The following CNKSR3 variants were observed in gnomAD, a reference collection of about 807,000 sequenced individuals.
CNKSR3 encodes CNKSR family member 3, also known as connector enhancer of kinase suppressor of ras 3.
CNKSR3 carries 36 observed loss-of-function variants against 67.7 expected under a neutral mutation model. The observed-to-expected ratio is 0.53, with a 90% CI of 0.41 to 0.70. The LOEUF is 0.70. CNKSR3 is among the 30% of genes least tolerant of loss of function. CNKSR3 has a pLI of 0.00. For synonymous variants in CNKSR3, 281 were observed against 271.4 expected (o/e 1.04, Z -0.35); for missense variants, 630 against 695.2 (o/e 0.91, Z 1.05).
chr6:154,501,137 A>G (rs991258740), intron 1 of CNKSR3, among the ~76,000 whole-genome samples: 1 of 152,150 alleles, frequency 6.6e-6, no homozygotes, highest in Non-Finnish European at 1.5e-5. Context: ...AGACATCCCA[A>G]CTTCAAATAT....
intron 10 of CNKSR3, among the ~76,000 whole-genome samples, chr6:154,413,427 C>T (rs181386076): frequency 1.3e-5 from 2 of 152,180 alleles, no homozygotes; most frequent in African/African-American, 4.8e-5. Flanking sequence ...GATGGGGCCT[C>T]ACTATATTCC....
chr6:154,427,597 A>G (rs1326588578), intron 7 of CNKSR3, among the ~76,000 whole-genome samples: 2 of 152,222 alleles, frequency 1.3e-5, no homozygotes, highest in Non-Finnish European at 2.9e-5. Flanking sequence ...AGTGTACAGA[A>G]GTCTCTCACA....
At chr6:154,456,707 C>CAAAAAAAAAAAAAAAAA (rs10536163) in intron 1 of CNKSR3, among the ~76,000 whole-genome samples, 1 of 45,372 alleles carries the variant, frequency 2.2e-5, no homozygotes, top group African/African-American at 8.5e-5. Context: ...AACTCTGTCT[C>CAAAAAAAAAAAAAAAAA]AAAAAAAAAA....
At chr6:154,490,993 G>A (rs186816905) in intron 1 of CNKSR3, among the ~76,000 whole-genome samples, 7 of 151,978 alleles carry the variant, frequency 4.6e-5, no homozygotes, top group African/African-American at 1.7e-4. Context: ...GATTACAAGC[G>A]CCCGCCACCA....
intron 1 of CNKSR3, among the ~76,000 whole-genome samples, chr6:154,475,587 G>A (rs534936494): frequency 6.6e-5 from 10 of 152,094 alleles, no homozygotes; most frequent in Non-Finnish European, 1.0e-4. Flanking sequence ...CATTTCCCAG[G>A]GCCTCTTGCT....
chr6:154,481,105 C>T (rs1310580114), intron 1 of CNKSR3, among the ~76,000 whole-genome samples: 1 of 148,332 alleles, frequency 6.7e-6, no homozygotes, highest in Non-Finnish European at 1.5e-5. Flanking sequence ...ATTTATTTTG[C>T]TTATGTATTT....
intron 1 of CNKSR3, among the ~76,000 whole-genome samples, chr6:154,488,950 TG>T (rs774245266): frequency 2.0e-5 from 3 of 152,206 alleles, no homozygotes; most frequent in Non-Finnish European, 4.4e-5. Context: ...ACCCCAGGAA[TG>T]ATGCGACAAC....
intron 1 of CNKSR3, among the ~76,000 whole-genome samples, chr6:154,471,761 G>A (rs959337635): frequency 6.6e-6 from 1 of 152,132 alleles, no homozygotes; most frequent in Non-Finnish European, 1.5e-5. Context: ...TCACGTTTGT[G>A]TCTCTTATAA....
intron 2 of CNKSR3, among the ~76,000 whole-genome samples, chr6:154,442,901 A>T (rs916404126): frequency 1.1e-4 from 17 of 151,198 alleles, no homozygotes; most frequent in African/African-American, 3.9e-4. Flanking sequence ...TTTTTATTTT[A>T]TTTTTTGAGA....
At chr6:154,454,104 CAGAGAG>C (rs71021054) in intron 1 of CNKSR3, among the ~76,000 whole-genome samples, 15,411 of 116,030 alleles carry the variant, frequency 0.13, 1,243 homozygotes, top group African/African-American at 0.16. Flanking sequence ...CACACACACA[CAGAGAG>C]AGAGAGAGAG....
At chr6:154,508,406 T>G (rs1787145231) in intron 1 of CNKSR3, among the ~76,000 whole-genome samples, 1 of 152,200 alleles carries the variant, frequency 6.6e-6, no homozygotes, top group Non-Finnish European at 1.5e-5. Context: ...TTTCAAGGGC[T>G]GCAGAGCCAC....
intron 4 of CNKSR3, 50 bp downstream of exon 4, chr6:154,441,242 C>CAAAAAAAAAAAA (rs34887626): frequency 1.2e-5 from 10 of 847,478 alleles, no homozygotes; most frequent in South Asian, 3.2e-5. Flanking sequence ...AGAGGAAAAG[C>CAAAAAAAAAAAA]AAAAAAAAAA....
At position 154,452,847 on chromosome 6, in the gene CNKSR3, G is replaced by A. The variant is rs183439376; in HGVS notation, c.53-2589C>T. Among the ~76,000 whole-genome samples the A allele has an allele frequency of 5.3e-5, 8 of 152,310 alleles. No individual in the cohort carries two copies. The East Asian group carries it at 1.5e-3, about 29-fold the overall frequency. ...GGAAAAGACGGTCATTGTAAACCAA[G>A]GAGAGAGGCCTCAGAAGAAACCTAC... On this transcript the variant is annotated intron_variant, in intron 1 of 12. Coordinates refer to ENST00000607772, the MANE Select transcript of CNKSR3 (RefSeq NM_173515.4).
At chr6:154,414,625 G>T (rs1158218174) in intron 9 of CNKSR3, 2 of 652,474 alleles carry the variant, frequency 3.1e-6, no homozygotes, top group Admixed American at 2.1e-5. Context: ...TTTGAATGAC[G>T]ATGTATAGTG....
chr6:154,389,791 C>T lies in CNKSR3; in HGVS notation c.*16563G>A, dbSNP rs1429939279. ...AAAAAGGAAATTAGCGAAACAATCC[C>T]ATATATAATAGCACCCAAAATAATA... is the stretch of plus-strand genomic sequence containing the variant. On this transcript the variant is annotated 3_prime_UTR_variant, in exon 13 of 13. Transcript: ENST00000607772. The T allele has an allele frequency of 6.6e-6, 1 of 152,146 alleles. No individual in the cohort carries two copies. Among genetic ancestry groups the T allele is most frequent in the East Asian group, 1.9e-4 (1 of 5,198 alleles). 9.4% of individuals were successfully genotyped at this position (152,146 alleles called of 1,614,324 possible).
At chr6:154,483,708 C>T (rs1477912527) in intron 1 of CNKSR3, among the ~76,000 whole-genome samples, 3 of 152,150 alleles carry the variant, frequency 2.0e-5, no homozygotes, top group Non-Finnish European at 4.4e-5. Flanking sequence ...CTCACTCAAT[C>T]TCCCTCTCTC....
In CNKSR3 at chr6:154,428,187, C is replaced by A; in HGVS notation, c.670G>T (p.Gly224Cys). Reference sequence around the variant, plus strand: ...TCATAGGTTGATTTGATGTACATGCCCTGGAGTGAATCACAAATAGATTAA... The same window carrying A: ...TCATAGGTTGATTTGATGTACATGCACTGGAGTGAATCACAAATAGATTAA... ...LPNIKPGEGLGMYIKSTYDGL... is the reference protein window; with the variant it reads ...LPNIKPGEGLCMYIKSTYDGL... The change falls in exon 7 of 13, where the codon GGC (glycine) becomes TGC (cysteine). Residue 224 changes from glycine to cysteine, a missense_variant and splice_region_variant. Gly to Cys is a radical substitution (Grantham distance 159, BLOSUM62 -3). Transcript: ENST00000607772. 2 of 1,603,824 alleles carry A rather than the reference C, an allele frequency of 1.2e-6. No homozygotes were observed. Among genetic ancestry groups the A allele is most frequent in the Non-Finnish European group, 1.7e-6 (2 of 1,170,796 alleles).
At chr6:154,425,792 C>T (rs917524832) in intron 7 of CNKSR3, among the ~76,000 whole-genome samples, 2 of 87,182 alleles carry the variant, frequency 2.3e-5, no homozygotes, top group African/African-American at 9.6e-5. Flanking sequence ...ACATAATTCA[C>T]TTGTGAAAAC....
rs757134142 is a variant in CNKSR3 at position 154,406,607 on chromosome 6, G to A, written c.1415C>T (p.Pro472Leu). 41 of 1,613,976 alleles carry A rather than the reference G, an allele frequency of 2.5e-5. No homozygotes were observed. Among genetic ancestry groups the A allele is most frequent in the East Asian group, 2.2e-5 (1 of 44,884 alleles). ...CRYFSNERIP[P>L]IIEESSSPPY... ...GGGAGAGGAGCTCTCTTCAATGATC[G>A]GAGGAATCCGCTCGTTACTGAAATA... Residue 472 changes from proline to leucine, a missense_variant, in exon 13 of 13, where the codon CCG (proline) becomes CTG (leucine). Physicochemically the swap from Pro to Leu is moderately conservative, Grantham distance 98. Around this residue, in one of 3 missense-constraint regions of CNKSR3, gnomAD observed 308 missense variants for 299.6 expected, o/e 1.03. Transcript: ENST00000607772.
Sources: allele counts gnomAD v4.1 joint callset (sites outside exome capture counted in the v4.1 genomes callset), GRCh38; gene constraint gnomAD v4.1.1; regional missense constraint gnomAD v4.1.1; transcripts MANE v1.5; gene names NCBI Gene and HGNC (gene_info 2026-07-23, HGNC 2026-07-21).